The following PCDHA10 variants were observed in gnomAD, a reference collection of about 807,000 sequenced individuals.
PCDHA10 encodes the protein protocadherin alpha 10, also known as protocadherin alpha-10.
Under a neutral mutation model 61.2 loss-of-function variants are expected in PCDHA10, and 45 were observed. The observed-to-expected ratio is 0.74, with a 90% CI of 0.58 to 0.94. The LOEUF is 0.94. Among genes scored for constraint, PCDHA10 ranks in the 40% least tolerant of loss-of-function variants. The pLI, the probability that PCDHA10 is intolerant of heterozygous loss-of-function variation, is 0.00. For missense variants in PCDHA10, 1,278 were observed against 1,236.2 expected, an observed-to-expected ratio of 1.03 and a Z score of -0.51; for synonymous variants, 602 against 548.8, an observed-to-expected ratio of 1.10 and a Z score of -1.35.
intron 1 of PCDHA10, among the ~76,000 whole-genome samples, chr5:140,902,233 T>C (rs1402685005): frequency 6.7e-6 from 1 of 149,150 alleles, no homozygotes; most frequent in African/African-American, 2.5e-5. Context: ...AGATGAGGAC[T>C]TGCTTTGTTG....
In PCDHA10 at chr5:140,858,360, G is replaced by A. The variant is rs782369682; in HGVS notation, c.2312G>A (p.Ser771Asn). The stretch of plus-strand genomic sequence containing the variant: ...CCCAAGGCGGACCTCATGGCCTTCA[G>A]CCCCAGCCTTCCACCATGCCCAATG... ...GLPKADLMAFSPSLPPCPMVD... is the reference protein window; with the variant it reads ...GLPKADLMAFNPSLPPCPMVD... Residue 771 changes from serine to asparagine, a missense_variant, in exon 1 of 4, where the codon AGC becomes AAC. Coordinates refer to ENST00000307360, the MANE Select transcript of PCDHA10 (RefSeq NM_018901.4). 3 of 1,592,532 alleles carry A rather than the reference G, an allele frequency of 1.9e-6. No homozygotes were observed. The South Asian group carries it at 3.3e-5, about 18-fold the overall frequency.
intron 3 of PCDHA10, among the ~76,000 whole-genome samples, chr5:141,006,608 G>A (rs2098279719): frequency 6.6e-6 from 1 of 152,200 alleles, no homozygotes; most frequent in African/African-American, 2.4e-5. Flanking sequence ...GAAGCAGACT[G>A]AATAAGGAGA....
chr5:140,931,215 CAG>C (rs2087377353), intron 1 of PCDHA10, among the ~76,000 whole-genome samples: 1 of 152,106 alleles, frequency 6.6e-6, no homozygotes, highest in East Asian at 1.9e-4. Flanking sequence ...TTTCAGGTAT[CAG>C]AGCACTTAAT....
At chr5:140,967,750 C>T (rs782284231) in intron 1 of PCDHA10, 3 of 1,614,072 alleles carry the variant, frequency 1.9e-6, no homozygotes, top group Non-Finnish European at 8.5e-7. Flanking sequence ...ATGAGGAAGC[C>T]TCCTCCTACC....
intron 1 of PCDHA10, among the ~76,000 whole-genome samples, chr5:140,957,571 G>C (rs2095367794): frequency 6.6e-6 from 1 of 152,186 alleles, no homozygotes; most frequent in South Asian, 2.1e-4. Context: ...AGGGACTACT[G>C]TACTTTTAAC....
chr5:140,885,670 C>T (rs1351720729), intron 1 of PCDHA10, among the ~76,000 whole-genome samples: 2 of 152,138 alleles, frequency 1.3e-5, no homozygotes, highest in African/African-American at 4.8e-5. Flanking sequence ...TATGAGCACT[C>T]TTTCTATCTC....
intron 1 of PCDHA10, 34 bp from the exon 2 acceptor site, chr5:140,978,915 A>G: frequency 6.2e-7 from 1 of 1,613,970 alleles, no homozygotes; most frequent in Non-Finnish European, 8.5e-7. Context: ...TTGTCTTGTC[A>G]TTTTAACAGA....
chr5:140,930,404 T>C (rs2086793049), intron 1 of PCDHA10: 1 of 152,170 alleles, frequency 6.6e-6, no homozygotes, highest in African/African-American at 2.4e-5. Flanking sequence ...TTTTTTTTTT[T>C]TGAGACAGGG....
chr5:140,941,185 CT>C (rs782102770), intron 1 of PCDHA10, among the ~76,000 whole-genome samples: 20 of 102,174 alleles, frequency 2.0e-4, no homozygotes, highest in Admixed American at 7.9e-4. Context: ...CATCCTGCTT[CT>C]TTTTTTTTCT....
intron 1 of PCDHA10, 149 bp from the exon 2 acceptor site, chr5:140,978,800 T>C: frequency 6.8e-7 from 1 of 1,480,668 alleles, no homozygotes; most frequent in South Asian, 1.4e-5. Flanking sequence ...TATATGTAGA[T>C]ATCATCATAG....
chr5:140,884,500 G>C (rs782378726), intron 1 of PCDHA10: 10 of 1,614,004 alleles, frequency 6.2e-6, no homozygotes, highest in Admixed American at 3.3e-5. Flanking sequence ...GCTCCAGCGC[G>C]GCAGGGAGTT....
At chr5:140,890,363 C>T (rs1217094920) in intron 1 of PCDHA10, among the ~76,000 whole-genome samples, 1 of 152,036 alleles carries the variant, frequency 6.6e-6, no homozygotes, top group African/African-American at 2.4e-5. Flanking sequence ...CAATGGATAA[C>T]CTGAACAAGT....
chr5:140,858,007 T>C lies in PCDHA10; in HGVS notation c.1959T>C (p.His653=), dbSNP rs1383838363. 3.1e-6 allele frequency: 5 copies of C among 1,596,728 alleles called. 1 individual carries two copies. Among genetic ancestry groups the C allele is most frequent in the Admixed American group, 1.7e-5 (1 of 59,162 alleles). The change falls in exon 1 of 4, where the codon CAT becomes CAC. Residue 653 remains histidine (H), a synonymous_variant. Coordinates refer to ENST00000307360, the MANE Select transcript of PCDHA10 (RefSeq NM_018901.4). The part of the protein sequence containing the change: ...RQRLLVLVKD[H]GEPSLTATAT... ...GCCTACTGGTGCTGGTGAAGGACCA[T>C]GGCGAGCCGTCGCTGACGGCCACGG... is the stretch of plus-strand genomic sequence containing the variant.
intron 1 of PCDHA10, among the ~76,000 whole-genome samples, chr5:140,904,135 G>A (rs1310606905): frequency 6.6e-5 from 10 of 151,986 alleles, no homozygotes; most frequent in Non-Finnish European, 1.0e-4. Context: ...CCCATCACCC[G>A]AGCAGTATAC....
At chr5:140,980,350 G>T (rs1382723470) in intron 2 of PCDHA10, among the ~76,000 whole-genome samples, 1 of 152,128 alleles carries the variant, frequency 6.6e-6, no homozygotes, top group Admixed American at 6.5e-5. Context: ...TAACTTCCTG[G>T]ACTGGGCGCG....
chr5:140,926,106 G>A (rs952874240), intron 1 of PCDHA10, among the ~76,000 whole-genome samples: 9 of 152,176 alleles, frequency 5.9e-5, no homozygotes, highest in African/African-American at 2.2e-4. Flanking sequence ...GGATACAAGA[G>A]GGTGCAGGAC....
intron 1 of PCDHA10, chr5:140,967,921 C>T (rs781932025): frequency 6.2e-6 from 10 of 1,614,172 alleles, no homozygotes; most frequent in South Asian, 4.4e-5. Flanking sequence ...CCATTGTGGC[C>T]GTTCTCAGTG....
At chr5:141,002,232 A>G (rs2098067070) in intron 3 of PCDHA10, among the ~76,000 whole-genome samples, 2 of 152,226 alleles carry the variant, frequency 1.3e-5, no homozygotes, top group African/African-American at 4.8e-5. Flanking sequence ...GTTTTCTGGA[A>G]GCTCTTTATT....
intron 1 of PCDHA10, among the ~76,000 whole-genome samples, chr5:140,952,443 C>T (rs1264311770): frequency 6.6e-6 from 1 of 152,128 alleles, no homozygotes; most frequent in East Asian, 1.9e-4. Flanking sequence ...AGGCATAATA[C>T]AGCCAGGCTC....
Sources: allele counts gnomAD v4.1 joint callset (sites outside exome capture counted in the v4.1 genomes callset), GRCh38; gene constraint gnomAD v4.1.1; transcripts MANE v1.5; gene names NCBI Gene and HGNC (gene_info 2026-07-23, HGNC 2026-07-21).